ANK1: variants seen among roughly 807,000 people sequenced by gnomAD.
The protein encoded by ANK1 is ankyrin-1.
ANK1 carries 51 observed loss-of-function variants against 210.4 expected under a neutral mutation model. That is an observed-to-expected ratio of 0.24 (90% CI 0.19 to 0.31). ANK1 has a LOEUF of 0.31. Ranked by LOEUF, ANK1 falls within the 10% of genes least tolerant of loss-of-function variation. The pLI is 1.00. For missense variants in ANK1, 2,051 were observed against 2,504.4 expected (o/e 0.82, Z 3.86); for synonymous variants, 967 against 1,025.9 (o/e 0.94, Z 1.10).
intron 1 of ANK1, among the ~76,000 whole-genome samples, chr8:41,795,261 C>A (rs1848539873): frequency 6.6e-6 from 1 of 152,110 alleles, no homozygotes. Flanking sequence ...GCCTGTAATG[C>A]CGGCACTTTG....
intron 1 of ANK1, among the ~76,000 whole-genome samples, chr8:41,860,179 T>G (rs1055055199): frequency 6.6e-6 from 1 of 152,296 alleles, no homozygotes; most frequent in Non-Finnish European, 1.5e-5. Context: ...AAAATTCCGC[T>G]AAGTCTCCAA....
intron 1 of ANK1, among the ~76,000 whole-genome samples, chr8:41,835,145 G>A (rs532578536): frequency 6.6e-6 from 1 of 152,346 alleles, no homozygotes; most frequent in East Asian, 1.9e-4. Context: ...AGGGCCGGGG[G>A]TCCCTTAGCA....
intron 1 of ANK1, among the ~76,000 whole-genome samples, chr8:41,823,603 G>T (rs1804845555): frequency 6.9e-6 from 1 of 145,212 alleles, no homozygotes; most frequent in Non-Finnish European, 1.5e-5. Flanking sequence ...TACAAAAACT[G>T]AAAAAAAAAA....
Position 41,803,156 on chromosome 8 carries a change from GAA to G in ANK1, c.127-45021_127-45020del, listed in dbSNP as rs1383258126. Among the ~76,000 whole-genome samples the G allele has an allele frequency of 8.1e-5, 11 of 136,536 alleles. No homozygotes were observed. In the East Asian group the frequency reaches 2.3e-3, roughly 28 times the overall value. The allele number at this position is 136,536 out of a possible 152,430, so 89.6% of individuals were successfully genotyped here. ...AAGGAAAGAAAGGAAAGAAAGAAAAGAAAAGAGAAAAAGAGAGGGAGGGAGAG... is the reference window on the plus strand; with the variant it reads ...AAGGAAAGAAAGGAAAGAAAGAAAAGAAGAGAAAAAGAGAGGGAGGGAGAG... On this transcript the variant is annotated intron_variant, in intron 1 of 42. Coordinates refer to the ANK1 transcript ENST00000265709.
In ANK1 at chr8:41,715,741, T is replaced by A; in HGVS notation, c.1513A>T (p.Thr505Ser). 6.2e-7 allele frequency: 1 copy of A among 1,613,784 alleles called. No homozygotes were observed. The highest frequency in any genetic ancestry group is 2.2e-5 in the East Asian group (1 of 44,870). The change falls in exon 14 of 43, where the codon ACC becomes TCC. Residue 505 changes from threonine to serine, a missense_variant. Physicochemically the swap from Thr to Ser is moderately conservative, Grantham distance 58. Coordinates refer to ENST00000289734, the MANE Select transcript of ANK1 (RefSeq NM_000037.4). The part of the protein sequence containing the change: ...NPNLATTAGH[T>S]PLHIAAREGH... ...TCACGGGCTGCAATGTGCAGGGGGGTGTGCCCGGCGGTGGTGGCCAGGTTG... is the reference window on the plus strand; with the variant it reads ...TCACGGGCTGCAATGTGCAGGGGGGAGTGCCCGGCGGTGGTGGCCAGGTTG...
At chr8:41,827,337 A>G (rs1805561192) in intron 1 of ANK1, among the ~76,000 whole-genome samples, 1 of 152,210 alleles carries the variant, frequency 6.6e-6, no homozygotes, top group East Asian at 1.9e-4. Flanking sequence ...AATGAGATGT[A>G]TGCCTCCGCC....
intron 42 of ANK1, among the ~76,000 whole-genome samples, chr8:41,656,738 C>G (rs776072018): frequency 1.3e-5 from 2 of 152,188 alleles, no homozygotes; most frequent in Non-Finnish European, 2.9e-5. Context: ...GAGCCATCCC[C>G]AGACATAGAG....
upstream of ANK1, among the ~76,000 whole-genome samples, chr8:41,801,791 A>G (rs1034252521): frequency 1.3e-5 from 2 of 152,164 alleles, no homozygotes; most frequent in Non-Finnish European, 2.9e-5. Context: ...CATTGAAAAT[A>G]TCTCCTCCCA....
intron 42 of ANK1, 149 bp downstream of exon 42, chr8:41,661,281 G>A: frequency 8.2e-7 from 1 of 1,213,368 alleles, no homozygotes; most frequent in South Asian, 1.3e-5. Flanking sequence ...TAGCAGGGTT[G>A]GGAAGTGAGA....
Position 41,704,612 on chromosome 8 carries a change from G to T in ANK1, c.2098-140C>A. ...GACATTGACAAGCTGAATGGCTGCT[G>T]CTGGGCAGAGACCACCAGGCTGAGA... On this transcript the variant is annotated intron_variant, in intron 18 of 42. Transcript: ENST00000289734. The surrounding 1 kb of genome is among the most constrained non-coding windows in gnomAD (Gnocchi z 4.1). 1 of 769,608 alleles carries T rather than the reference G, an allele frequency of 1.3e-6. No homozygotes were observed. The highest frequency in any genetic ancestry group is 2.3e-6 in the Non-Finnish European group (1 of 443,496). The allele number at this position is 769,608 out of a possible 1,614,324, so 47.7% of individuals were successfully genotyped here. A position where few individuals can be genotyped will look rare whatever the true frequency, so the allele number is the denominator to read the frequency against.
At position 41,694,699 on chromosome 8, in the gene ANK1, C is replaced by T. The variant is rs775457067; in HGVS notation, c.3220G>A (p.Asp1074Asn). 2.0e-5 allele frequency: 32 copies of T among 1,614,050 alleles called. No individual in the cohort carries two copies. In the Admixed American group the frequency reaches 2.7e-4, roughly 13 times the overall value. Reference sequence around the variant, plus strand: ...GAGCCCCCTTCGGGACCGATGGTGTCGTAGTCCTGGCAGAGCCGTGACATG... The same window carrying T: ...GAGCCCCCTTCGGGACCGATGGTGTTGTAGTCCTGGCAGAGCCGTGACATG... ...VIMSRLCQDY[D>N]TIGPEGGSLK... Residue 1074 changes from aspartate to asparagine, a missense_variant, in exon 28 of 43, where the codon GAC becomes AAC. Asp to Asn is a conservative substitution (Grantham distance 23, BLOSUM62 1). Coordinates refer to ENST00000289734, the MANE Select transcript of ANK1 (RefSeq NM_000037.4). The surrounding 1 kb of genome is among the most constrained non-coding windows in gnomAD (Gnocchi z 5.7).
At chr8:41,748,363 C>A (rs1398146038) in intron 2 of ANK1, among the ~76,000 whole-genome samples, 1 of 152,176 alleles carries the variant, frequency 6.6e-6, no homozygotes, top group Non-Finnish European at 1.5e-5. Flanking sequence ...TTTTTCTATG[C>A]CTGTCAACAG....
intron 38 of ANK1, 117 bp downstream of exon 38, chr8:41,672,237 C>A: frequency 8.9e-7 from 1 of 1,129,300 alleles, no homozygotes; most frequent in Non-Finnish European, 1.3e-6. Context: ...TGCTCCTGTG[C>A]AATTAGAACC....
chr8:41,686,058 C>T, intron 36 of ANK1, 94 bp downstream of exon 36: 3 of 1,585,364 alleles, frequency 1.9e-6, no homozygotes, highest in Non-Finnish European at 8.7e-7. Context: ...CAGACTGACT[C>T]CAGAGGCCAG....
chr8:41,694,081 G>A lies in ANK1; in HGVS notation c.3349C>T (p.Leu1117Phe). Reference protein sequence around the residue: ...ALQAQPVPDELVTKLLGNQAT... With the variant: ...ALQAQPVPDEFVTKLLGNQAT... ...TGGTTGCCCAGGAGCTTAGTGACAA[G>A]CTCATCCGGGACAGGCTGGGCCTGT... is the stretch of plus-strand genomic sequence containing the variant. The change falls in exon 29 of 43, where the codon CTT becomes TTT. Residue 1117 changes from leucine (L) to phenylalanine (F), a missense_variant. By Grantham distance (22) the Leu-to-Phe change is conservative (BLOSUM62 0). Transcript: ENST00000289734. This position sits in a 1 kb window ranked among gnomAD's most constrained non-coding sequence, Gnocchi z 5.7. 6.2e-7 allele frequency: 1 copy of A among 1,614,058 alleles called. No individual in the cohort carries two copies. The highest frequency in any genetic ancestry group is 8.5e-7 in the Non-Finnish European group (1 of 1,179,986).
chr8:41,656,294 C>A (rs1805695684), intron 42 of ANK1, among the ~76,000 whole-genome samples: 1 of 152,238 alleles, frequency 6.6e-6, no homozygotes, highest in African/African-American at 2.4e-5. Context: ...AGCGGATGTG[C>A]TCCCTGGCCT....
intron 1 of ANK1, among the ~76,000 whole-genome samples, chr8:41,865,440 G>C (rs1376579360): frequency 6.6e-6 from 1 of 151,878 alleles, no homozygotes; most frequent in Non-Finnish European, 1.5e-5. Flanking sequence ...TAGATACTGT[G>C]TGGGTGAGGA....
At chr8:41,863,880 T>G (rs552617870) in intron 1 of ANK1, among the ~76,000 whole-genome samples, 3 of 152,140 alleles carry the variant, frequency 2.0e-5, no homozygotes, top group Non-Finnish European at 4.4e-5. Context: ...AAGGGCCAGT[T>G]TGTGGGTTCT....
chr8:41,881,714 C>T (rs868441200), intron 1 of ANK1, among the ~76,000 whole-genome samples: 9 of 152,288 alleles, frequency 5.9e-5, no homozygotes, highest in Non-Finnish European at 1.0e-4. Flanking sequence ...TAAAATCAGG[C>T]GGCTGGGACA....
Sources: allele counts gnomAD v4.1 joint callset (sites outside exome capture counted in the v4.1 genomes callset), GRCh38; gene constraint gnomAD v4.1.1; non-coding constraint Gnocchi (gnomAD v3.1); transcripts MANE v1.5; gene names NCBI Gene and HGNC (gene_info 2026-07-23, HGNC 2026-07-21).